Variants in CNTNAP2 observed in about 807,000 individuals in gnomAD.
CNTNAP2 encodes the protein contactin-associated protein-like 2.
In CNTNAP2, 98 loss-of-function variants were observed where a neutral mutation model predicts 155.2. That is an observed-to-expected ratio of 0.63 (90% CI 0.54 to 0.75). The LOEUF (loss-of-function observed/expected upper bound fraction) is 0.75. Ranked by LOEUF, CNTNAP2 falls within the 30% of genes least tolerant of loss-of-function variation. CNTNAP2 has a pLI of 0.00. For synonymous variants in CNTNAP2, 651 were observed against 631.2 expected (o/e 1.03, Z -0.47); for missense variants, 1,727 against 1,688.1 (o/e 1.02, Z -0.40).
At chr7:146,200,319 C>T (rs569839010) in intron 1 of CNTNAP2, among the ~76,000 whole-genome samples, 2 of 151,996 alleles carry the variant, frequency 1.3e-5, no homozygotes, top group Non-Finnish European at 2.9e-5. Flanking sequence ...CATGGTGAAA[C>T]CCCATCTCTA....
intron 11 of CNTNAP2, among the ~76,000 whole-genome samples, chr7:147,492,969 C>T (rs1798635704): frequency 6.7e-6 from 1 of 148,462 alleles, no homozygotes; most frequent in Non-Finnish European, 1.5e-5. Context: ...TATTAAAGTA[C>T]TTTTTAATGT....
chr7:147,957,355 G>C (rs1002780118), intron 14 of CNTNAP2, among the ~76,000 whole-genome samples: 1 of 152,172 alleles, frequency 6.6e-6, no homozygotes, highest in Non-Finnish European at 1.5e-5. Context: ...GTGAGGACAA[G>C]AGAGTGAAAA....
At chr7:147,753,405 T>C (rs1303990584) in intron 13 of CNTNAP2, among the ~76,000 whole-genome samples, 2 of 152,206 alleles carry the variant, frequency 1.3e-5, no homozygotes, top group Non-Finnish European at 2.9e-5. Flanking sequence ...CAATGACTGT[T>C]AATAACCTGA....
At chr7:146,680,620 C>T (rs1319053444) in intron 1 of CNTNAP2, among the ~76,000 whole-genome samples, 1 of 152,190 alleles carries the variant, frequency 6.6e-6, no homozygotes, top group African/African-American at 2.4e-5. Context: ...CATTCAAACC[C>T]TCTGTCATAT....
chr7:146,623,620 A>G (rs1044962643), intron 1 of CNTNAP2, among the ~76,000 whole-genome samples: 1 of 152,224 alleles, frequency 6.6e-6, no homozygotes, highest in East Asian at 1.9e-4. Context: ...TAAGTTCATT[A>G]TATAGTTGTA....
chr7:146,784,509 G>A (rs1248973390), intron 2 of CNTNAP2, among the ~76,000 whole-genome samples: 1 of 152,134 alleles, frequency 6.6e-6, no homozygotes, highest in Non-Finnish European at 1.5e-5. Context: ...GCAAATCAAT[G>A]TATTTAAACA....
At chr7:147,064,755 T>A (rs1460092682) in intron 4 of CNTNAP2, among the ~76,000 whole-genome samples, 1 of 152,102 alleles carries the variant, frequency 6.6e-6, no homozygotes, top group Non-Finnish European at 1.5e-5. Flanking sequence ...GGAAAATCAT[T>A]CTCTCCATCT....
intron 14 of CNTNAP2, among the ~76,000 whole-genome samples, chr7:147,950,159 C>G (rs1052254474): frequency 6.6e-6 from 1 of 151,740 alleles, no homozygotes; most frequent in Non-Finnish European, 1.5e-5. Context: ...AGTTAACTAC[C>G]AAGTATAGTA....
At chr7:146,302,901 C>T (rs1006642240) in intron 1 of CNTNAP2, among the ~76,000 whole-genome samples, 2 of 152,116 alleles carry the variant, frequency 1.3e-5, no homozygotes, top group African/African-American at 4.8e-5. Flanking sequence ...AAAATATGAC[C>T]TTTGTAATAA....
At chr7:148,149,751 C>T (rs1805261560) in intron 17 of CNTNAP2, among the ~76,000 whole-genome samples, 1 of 151,952 alleles carries the variant, frequency 6.6e-6, no homozygotes, top group Non-Finnish European at 1.5e-5. Context: ...GGGGTTTCAC[C>T]ATGTTGGCCA....
At chr7:146,974,456 A>T (rs1461672788) in intron 3 of CNTNAP2, among the ~76,000 whole-genome samples, 2 of 151,346 alleles carry the variant, frequency 1.3e-5, no homozygotes, top group Non-Finnish European at 2.9e-5. Context: ...AATAAAAAAT[A>T]AAAAAATAAA....
At chr7:146,972,230 AT>A (rs1797815801) in intron 3 of CNTNAP2, among the ~76,000 whole-genome samples, 1 of 152,192 alleles carries the variant, frequency 6.6e-6, no homozygotes, top group African/African-American at 2.4e-5. Context: ...ATCTTTAATA[AT>A]TTTACTAACC....
chr7:146,321,790 A>C (rs942100577), intron 1 of CNTNAP2, among the ~76,000 whole-genome samples: 1 of 152,118 alleles, frequency 6.6e-6, no homozygotes, highest in Non-Finnish European at 1.5e-5. Flanking sequence ...CAAGAAGGAA[A>C]ATGTTTTTCA....
chr7:147,136,835 T>C (rs944595899), intron 8 of CNTNAP2, among the ~76,000 whole-genome samples: 34 of 152,028 alleles, frequency 2.2e-4, no homozygotes, highest in African/African-American at 8.2e-4. Context: ...AGTTGTTTAC[T>C]GAAAATTTTT....
At chr7:146,889,951 C>T (rs1795743431) in intron 3 of CNTNAP2, among the ~76,000 whole-genome samples, 1 of 152,074 alleles carries the variant, frequency 6.6e-6, no homozygotes, top group Admixed American at 6.6e-5. Flanking sequence ...TCTTTCTCGT[C>T]CTCATTAGGA....
intron 15 of CNTNAP2, among the ~76,000 whole-genome samples, chr7:148,071,798 A>T (rs1803387730): frequency 6.6e-6 from 1 of 152,212 alleles, no homozygotes; most frequent in African/African-American, 2.4e-5. Flanking sequence ...AATGCTGTAT[A>T]CAAGTCTTCA....
intron 1 of CNTNAP2, among the ~76,000 whole-genome samples, chr7:146,219,485 A>G (rs187093930): frequency 6.6e-6 from 1 of 152,332 alleles, no homozygotes; most frequent in Non-Finnish European, 1.5e-5. Flanking sequence ...ATAAACCCAA[A>G]TGGCTAATTA....
In CNTNAP2 at chr7:147,413,872, TA is replaced by T. The variant is rs1797143437; in HGVS notation, c.1670+18093del. On this transcript the variant is annotated intron_variant, in intron 10 of 23. Coordinates refer to ENST00000361727, the MANE Select transcript of CNTNAP2 (RefSeq NM_014141.6). Reference sequence around the variant, plus strand: ...TCAGTGATGTGGGCCTTTGGTGTGTTATGGTTTATAAAACAGAAAAGCCTAT... The same window carrying T: ...TCAGTGATGTGGGCCTTTGGTGTGTTTGGTTTATAAAACAGAAAAGCCTAT... Among the ~76,000 whole-genome samples, 4 of 152,254 alleles carry T rather than the reference TA, an allele frequency of 2.6e-5. No individual in the cohort carries two copies. The South Asian group carries it at 8.3e-4, about 32-fold the overall frequency.
At chr7:147,233,965 A>G (rs1803741046) in intron 8 of CNTNAP2, among the ~76,000 whole-genome samples, 1 of 151,836 alleles carries the variant, frequency 6.6e-6, no homozygotes, top group Non-Finnish European at 1.5e-5. Flanking sequence ...TCCACTTTTA[A>G]ATACCTATGT....
Sources: allele counts gnomAD v4.1 joint callset (sites outside exome capture counted in the v4.1 genomes callset), GRCh38; gene constraint gnomAD v4.1.1; transcripts MANE v1.5; gene names NCBI Gene and HGNC (gene_info 2026-07-23, HGNC 2026-07-21).